CCT8: variants seen among roughly 807,000 people sequenced by gnomAD.
CCT8 encodes the protein chaperonin containing TCP1 subunit 8, also known as T-complex protein 1 subunit theta.
Under a neutral mutation model 65.7 loss-of-function variants are expected in CCT8, and 10 were observed. The ratio of observed to expected loss-of-function variants is 0.15; its 90% CI spans 0.09 to 0.26. CCT8 has a LOEUF of 0.26. CCT8 is among the 10% of genes least tolerant of loss of function. CCT8 has a pLI of 1.00. For missense variants in CCT8, 568 were observed against 669.1 expected, an observed-to-expected ratio of 0.85 and a Z score of 1.67; for synonymous variants, 199 against 221.8, an observed-to-expected ratio of 0.90 and a Z score of 0.92.
chr21:29,060,795 C>T (rs2085554626), intron 13 of CCT8, 135 bp from the exon 14 acceptor site: 4 of 912,324 alleles, frequency 4.4e-6, no homozygotes, highest in Non-Finnish European at 6.6e-6. Flanking sequence ...TAGAGTCATC[C>T]TTTAGTATGT....
intron 14 of CCT8, chr21:29,058,216 A>T (rs2085525571): frequency 6.6e-6 from 1 of 152,232 alleles, no homozygotes; most frequent in Admixed American, 6.5e-5. Flanking sequence ...AGGCGGACAG[A>T]TCACGAGGTC....
Position 29,063,430 on chromosome 21 carries a change from G to C in CCT8, c.863C>G (p.Ala288Gly). ...AQVKAIADTG[A>G]NVVVTGGKVA... Reference sequence around the variant, plus strand: ...TTTGCCACCTGTTACTACGACATTTGCACCAGTATCAGCAATAGCTTTGAC... The same window carrying C: ...TTTGCCACCTGTTACTACGACATTTCCACCAGTATCAGCAATAGCTTTGAC... The change falls in exon 8 of 15, where the codon GCA (alanine) becomes GGA (glycine). Residue 288 changes from alanine to glycine, a missense_variant. Physicochemically the swap from Ala to Gly is moderately conservative, Grantham distance 60. Coordinates refer to ENST00000286788, the MANE Select transcript of CCT8 (RefSeq NM_006585.4). 3 of 1,613,844 alleles carry C rather than the reference G, an allele frequency of 1.9e-6. No individual in the cohort carries two copies. The highest frequency in any genetic ancestry group is 1.1e-5 in the South Asian group (1 of 91,076).
At chr21:29,067,426 A>T in intron 4 of CCT8, 130 bp downstream of exon 4, 1 of 616,592 alleles carries the variant, frequency 1.6e-6, no homozygotes, top group Non-Finnish European at 2.5e-6. Context: ...TATGTACTAT[A>T]ATGGCTGGTA....
intron 14 of CCT8, among the ~76,000 whole-genome samples, chr21:29,057,699 TATC>T (rs1320836747): frequency 1.4e-5 from 2 of 147,624 alleles, no homozygotes; most frequent in African/African-American, 5.0e-5. Flanking sequence ...ATCATACATA[TATC>T]ATATATAATA....
chr21:29,065,215 A>AC, intron 6 of CCT8, 110 bp from the exon 7 acceptor site: 1 of 1,147,484 alleles, frequency 8.7e-7, no homozygotes, highest in Non-Finnish European at 1.3e-6. Flanking sequence ...AAAGTCATAA[A>AC]CCAAGGCAGT....
chr21:29,073,638 A>C lies in CCT8; in HGVS notation c.-48T>G. On this transcript the variant is annotated 5_prime_UTR_variant, in exon 1 of 15. Transcript: ENST00000286788. ...CACGCGACCGCTCGGAAGACCGCGG[A>C]GGAAGCGAGGAGCACGCACAGCCTT... 1 of 1,573,906 alleles carries C rather than the reference A, an allele frequency of 6.4e-7. No individual in the cohort carries two copies. Among genetic ancestry groups the C allele is most frequent in the Non-Finnish European group, 8.7e-7 (1 of 1,144,886 alleles).
chr21:29,062,381 T>A lies in CCT8; in HGVS notation c.1043A>T (p.Asp348Val), dbSNP rs763734366. 9.3e-6 allele frequency: 15 copies of A among 1,614,042 alleles called. No individual in the cohort carries two copies. Among genetic ancestry groups the A allele is most frequent in the Non-Finnish European group, 1.2e-5 (14 of 1,179,902 alleles). The change falls in exon 10 of 15, where the codon GAC (aspartate) becomes GTC (valine). Residue 348 changes from aspartate to valine, a missense_variant. Transcript: ENST00000286788. ...TCCAACTTCTGAGAGGTAAACACTG[T>A]CACAGTGTCCCATTTCTTCAAGGAC... ...PPVLEEMGHC[D>V]SVYLSEVGDT... is the part of the protein sequence containing the mutation.
At chr21:29,063,053 A>G (rs927511332) in intron 8 of CCT8, among the ~76,000 whole-genome samples, 2 of 152,328 alleles carry the variant, frequency 1.3e-5, no homozygotes, top group Admixed American at 6.5e-5. Context: ...TCCTGACTCC[A>G]TACTCTGATA....
chr21:29,063,618 AGGTTTGGC>A, intron 7 of CCT8, 88 bp from the exon 8 acceptor site: 26 of 1,288,614 alleles, frequency 2.0e-5, no homozygotes, highest in Admixed American at 2.0e-4. Context: ...GAAGAAATAA[AGGTTTGGC>A]AAAAAAATAT....
intron 1 of CCT8, 26 bp downstream of exon 1, chr21:29,073,505 C>T (rs546694148): frequency 1.2e-6 from 2 of 1,614,062 alleles, no homozygotes; most frequent in African/African-American, 1.3e-5. Context: ...GACGCTCCCA[C>T]CTCATTCCTT....
chr21:29,062,019 C>A (rs1399489971), intron 11 of CCT8, 109 bp downstream of exon 11: 1 of 730,216 alleles, frequency 1.4e-6, no homozygotes, highest in Non-Finnish European at 2.4e-6. Flanking sequence ...TTCATATAAA[C>A]CACTCATTCT....
intron 1 of CCT8, among the ~76,000 whole-genome samples, chr21:29,072,469 CA>C (rs1195034311): frequency 6.6e-6 from 1 of 152,048 alleles, no homozygotes; most frequent in Non-Finnish European, 1.5e-5. Context: ...GAAAAAAACC[CA>C]AATTGGAAGC....
intron 3 of CCT8, among the ~76,000 whole-genome samples, chr21:29,068,168 AC>A (rs2085644328): frequency 6.6e-6 from 1 of 152,146 alleles, no homozygotes; most frequent in South Asian, 2.1e-4. Context: ...GGAGTATAAA[AC>A]TTTTCTTCAA....
intron 14 of CCT8, chr21:29,057,992 C>T (rs2048458107): frequency 2.0e-5 from 3 of 151,874 alleles, no homozygotes; most frequent in South Asian, 2.1e-4. Context: ...GTCCTCCAGC[C>T]TGGGTGATAG....
chr21:29,060,467 T>C, intron 14 of CCT8, 74 bp downstream of exon 14: 2 of 1,461,826 alleles, frequency 1.4e-6, no homozygotes, highest in African/African-American at 1.4e-5. Context: ...TGCTATGTTC[T>C]AGTTCTGGGA....
At chr21:29,071,324 AC>A (rs2085677332) in intron 1 of CCT8, among the ~76,000 whole-genome samples, 8 of 152,236 alleles carry the variant, frequency 5.3e-5, no homozygotes, top group Non-Finnish European at 1.2e-4. Flanking sequence ...AGTTCTATTT[AC>A]ATAGTACTGC....
At chr21:29,060,723 C>CA (rs2085554007) in intron 13 of CCT8, 63 bp from the exon 14 acceptor site, 6 of 1,562,026 alleles carry the variant, frequency 3.8e-6, no homozygotes, top group Non-Finnish European at 5.3e-6. Context: ...TTTACACCCA[C>CA]AAAAAGCCTC....
intron 13 of CCT8, 111 bp from the exon 14 acceptor site, chr21:29,060,771 A>G (rs2085554391): frequency 1.7e-6 from 2 of 1,154,738 alleles, no homozygotes; most frequent in East Asian, 2.4e-5. Flanking sequence ...GTAACCAAGC[A>G]CAGTCCTACC....
chr21:29,060,058 T>C (rs1309452247), intron 14 of CCT8: 1 of 147,312 alleles, frequency 6.8e-6, no homozygotes, highest in African/African-American at 2.5e-5. Context: ...TTTACTTCTA[T>C]ATATAGAACA....
Sources: gnomAD v4.1 joint callset for allele counts (sites outside exome capture counted in the v4.1 genomes callset) on GRCh38, gnomAD v4.1.1 for gene constraint, MANE v1.5 for transcripts, NCBI Gene and HGNC (gene_info 2026-07-23, HGNC 2026-07-21) for gene names.